Variants in LYPD6B observed in about 807,000 individuals in gnomAD.
LYPD6B encodes the protein ly6/PLAUR domain-containing protein 6B.
LYPD6B carries 17 observed loss-of-function variants against 22.8 expected under a neutral mutation model. That is an observed-to-expected ratio of 0.75 (90% CI 0.51 to 1.12). LYPD6B has a LOEUF of 1.12. Among genes scored for constraint, LYPD6B ranks in the 50% most tolerant of loss-of-function variants. The probability of loss-of-function intolerance (pLI) is 0.00; values close to 1 mark genes in which losing one functional copy is unlikely to be tolerated. For synonymous variants in LYPD6B, 106 were observed against 91.6 expected, an observed-to-expected ratio of 1.16 and a Z score of -0.90; for missense variants, 221 against 258.3, an observed-to-expected ratio of 0.86 and a Z score of 0.99.
chr2:149,075,988 G>A lies in LYPD6B; in HGVS notation c.-67+37187G>A, dbSNP rs566457147. Reference sequence around the variant, plus strand: ...ACGGCTGATGAGGCAGGAGGCTGACGGAGTTTGAGGCCAATCTAGGAGAGA... The same window carrying A: ...ACGGCTGATGAGGCAGGAGGCTGACAGAGTTTGAGGCCAATCTAGGAGAGA... On this transcript the variant is annotated intron_variant, in intron 1 of 6. Coordinates refer to ENST00000409642, the MANE Select transcript of LYPD6B (RefSeq NM_177964.5). Among the ~76,000 whole-genome samples the A allele has an allele frequency of 6.3e-4, 96 of 152,308 alleles. No individual in the cohort carries two copies. The South Asian group carries it at 0.02, about 31-fold the overall frequency.
chr2:149,103,771 C>CTTTTTTTTTTTTTTTT (rs56739458), intron 1 of LYPD6B, among the ~76,000 whole-genome samples: 1 of 74,312 alleles, frequency 1.3e-5, no homozygotes. Flanking sequence ...TTGTGCATAT[C>CTTTTTTTTTTTTTTTT]TTTTTTTTTT....
intron 1 of LYPD6B, among the ~76,000 whole-genome samples, chr2:149,069,950 G>C (rs986630133): frequency 4.6e-5 from 7 of 151,102 alleles, no homozygotes; most frequent in African/African-American, 7.3e-5. Context: ...GTGTGTGTGT[G>C]TGTACGTGTG....
chr2:149,053,485 A>C (rs1368773924), intron 1 of LYPD6B, among the ~76,000 whole-genome samples: 1 of 152,260 alleles, frequency 6.6e-6, no homozygotes, highest in Non-Finnish European at 1.5e-5. Flanking sequence ...GGTCAAATAT[A>C]ATACCCATTT....
At chr2:149,075,437 A>G (rs1457219434) in intron 1 of LYPD6B, among the ~76,000 whole-genome samples, 1 of 152,170 alleles carries the variant, frequency 6.6e-6, no homozygotes, top group African/African-American at 2.4e-5. Flanking sequence ...TTTCTGGCCA[A>G]TTTAGACTTA....
chr2:149,194,070 G>A (rs768584444), intron 3 of LYPD6B, among the ~76,000 whole-genome samples: 4 of 152,132 alleles, frequency 2.6e-5, no homozygotes, highest in Admixed American at 6.5e-5. Flanking sequence ...ATTTTGGGGA[G>A]GGTGGTGACA....
At chr2:149,145,578 A>G (rs550962559) in intron 2 of LYPD6B, among the ~76,000 whole-genome samples, 1 of 152,312 alleles carries the variant, frequency 6.6e-6, no homozygotes, top group South Asian at 2.1e-4. Flanking sequence ...GTCACAAGGA[A>G]GGGCCACATG....
chr2:149,194,730 C>G (rs1053152328), intron 3 of LYPD6B, among the ~76,000 whole-genome samples: 13 of 152,142 alleles, frequency 8.5e-5, no homozygotes, highest in African/African-American at 3.1e-4. Flanking sequence ...AAACCAGCAG[C>G]CAGTGGAAAG....
chr2:149,072,672 G>C (rs1022428808), intron 1 of LYPD6B, among the ~76,000 whole-genome samples: 1 of 151,972 alleles, frequency 6.6e-6, no homozygotes, highest in Non-Finnish European at 1.5e-5. Context: ...CGGTAGCTGG[G>C]ATTACAGGTG....
intron 1 of LYPD6B, among the ~76,000 whole-genome samples, chr2:149,052,897 T>G (rs1261396789): frequency 1.3e-5 from 2 of 152,178 alleles, no homozygotes; most frequent in Non-Finnish European, 2.9e-5. Flanking sequence ...ATAAGCCCAT[T>G]TGGTGTCCAT....
chr2:149,147,670 C>A (rs183951477), intron 2 of LYPD6B, among the ~76,000 whole-genome samples: 1 of 152,100 alleles, frequency 6.6e-6, no homozygotes, highest in Non-Finnish European at 1.5e-5. Context: ...AGCGCCACCA[C>A]GCCCGGCTAA....
intron 1 of LYPD6B, chr2:149,068,773 A>G (rs920231373): frequency 6.0e-6 from 3 of 498,222 alleles, no homozygotes; most frequent in Non-Finnish European, 1.2e-5. Context: ...AATACTTTTC[A>G]GAGAGGGAAT....
chr2:149,085,268 G>A (rs765074251), intron 1 of LYPD6B, among the ~76,000 whole-genome samples: 1 of 152,152 alleles, frequency 6.6e-6, no homozygotes, highest in Non-Finnish European at 1.5e-5. Flanking sequence ...CCACATGTTC[G>A]TGCCCTTCAG....
At chr2:149,055,137 T>G (rs1683732029) in intron 1 of LYPD6B, among the ~76,000 whole-genome samples, 2 of 152,204 alleles carry the variant, frequency 1.3e-5, no homozygotes, top group Non-Finnish European at 2.9e-5. Context: ...GCACTGTTTG[T>G]TGCCAAGAGT....
chr2:149,118,144 A>G (rs1687095688), intron 1 of LYPD6B: 1 of 152,076 alleles, frequency 6.6e-6, no homozygotes, highest in African/African-American at 2.4e-5. Context: ...ACCTCATTCT[A>G]TTGGCTGCAT....
chr2:149,119,520 T>G (rs1687176812), intron 1 of LYPD6B, among the ~76,000 whole-genome samples: 1 of 152,240 alleles, frequency 6.6e-6, no homozygotes, highest in Non-Finnish European at 1.5e-5. Flanking sequence ...CTTTGTGACG[T>G]GAACACATTA....
chr2:149,073,177 G>T (rs934047440), intron 1 of LYPD6B, among the ~76,000 whole-genome samples: 5 of 152,192 alleles, frequency 3.3e-5, no homozygotes, highest in Admixed American at 3.3e-4. Context: ...GCTGGCAGCT[G>T]TCACTGCTTT....
intron 1 of LYPD6B, among the ~76,000 whole-genome samples, chr2:149,044,985 C>G (rs1321030821): frequency 1.3e-5 from 2 of 151,930 alleles, no homozygotes; most frequent in East Asian, 3.8e-4. Context: ...TTGGAGGGGA[C>G]TAGGTAGATT....
intron 5 of LYPD6B, among the ~76,000 whole-genome samples, chr2:149,209,745 A>G (rs552872600): frequency 6.6e-6 from 1 of 152,348 alleles, no homozygotes; most frequent in East Asian, 1.9e-4. Flanking sequence ...CGTGGCATCC[A>G]TGTGGACAGT....
intron 1 of LYPD6B, among the ~76,000 whole-genome samples, chr2:149,071,371 A>T (rs1684594232): frequency 2.0e-5 from 3 of 152,322 alleles, no homozygotes; most frequent in Non-Finnish European, 4.4e-5. Flanking sequence ...GAGGTAAAGG[A>T]TGGGAATCAC....
Sources: gnomAD v4.1 joint callset for allele counts (sites outside exome capture counted in the v4.1 genomes callset) on GRCh38, gnomAD v4.1.1 for gene constraint, MANE v1.5 for transcripts, NCBI Gene and HGNC (gene_info 2026-07-23, HGNC 2026-07-21) for gene names.